ARHGEF26: variants seen among roughly 807,000 people sequenced by gnomAD.
ARHGEF26 encodes the protein Rho guanine nucleotide exchange factor 26, also known as Rho guanine nucleotide exchange factor (GEF) 26.
A neutral mutation model predicts 89.4 loss-of-function variants in ARHGEF26; 59 were observed. That is an observed-to-expected ratio of 0.66 (90% CI 0.54 to 0.82). The LOEUF is 0.82. Ranked by LOEUF, ARHGEF26 falls within the 40% of genes least tolerant of loss-of-function variation. The pLI is 0.00. For synonymous variants in ARHGEF26, 500 were observed against 428.4 expected, an observed-to-expected ratio of 1.17 and a Z score of -2.06; for missense variants, 1,234 against 1,085.6, an observed-to-expected ratio of 1.14 and a Z score of -1.92.
chr3:154,208,563 C>A (rs1715172604), intron 9 of ARHGEF26, among the ~76,000 whole-genome samples: 1 of 151,940 alleles, frequency 6.6e-6, no homozygotes. Context: ...TTCTTTAAGC[C>A]CAATAACTCT....
chr3:154,191,157 T>C (rs1713930452), intron 7 of ARHGEF26, 132 bp from the exon 8 acceptor site: 4 of 973,266 alleles, frequency 4.1e-6, no homozygotes, highest in African/African-American at 1.6e-5. Context: ...TATGTGCTTA[T>C]GATATTTTCA....
chr3:154,218,376 C>G (rs146287309), intron 10 of ARHGEF26, among the ~76,000 whole-genome samples: 133 of 152,272 alleles, frequency 8.7e-4, no homozygotes, highest in African/African-American at 2.8e-3. Flanking sequence ...GTTTACAAAA[C>G]AGATCGTTAA....
intron 6 of ARHGEF26, among the ~76,000 whole-genome samples, chr3:154,181,049 T>G (rs1713152338): frequency 6.6e-6 from 1 of 152,146 alleles, no homozygotes; most frequent in Admixed American, 6.5e-5. Flanking sequence ...TTAGTGGCGG[T>G]GCGCTTGCCA....
At chr3:154,250,310 A>G (rs1718055489) in intron 12 of ARHGEF26, among the ~76,000 whole-genome samples, 1 of 151,996 alleles carries the variant, frequency 6.6e-6, no homozygotes, top group Admixed American at 6.6e-5. Context: ...TACAAGTGTG[A>G]GCCGCCCCGC....
At chr3:154,202,838 A>G (rs1232053761) in intron 9 of ARHGEF26, among the ~76,000 whole-genome samples, 3 of 150,970 alleles carry the variant, frequency 2.0e-5, no homozygotes, top group African/African-American at 7.3e-5. Context: ...TGATTTTTGC[A>G]CATTGATTTT....
chr3:154,221,744 A>T (rs1716143345), intron 10 of ARHGEF26, among the ~76,000 whole-genome samples: 1 of 152,248 alleles, frequency 6.6e-6, no homozygotes, highest in Non-Finnish European at 1.5e-5. Flanking sequence ...GCTTTTGCAG[A>T]TGAAATATTT....
At chr3:154,161,207 C>G (rs1212434932) in intron 6 of ARHGEF26, among the ~76,000 whole-genome samples, 1 of 151,264 alleles carries the variant, frequency 6.6e-6, no homozygotes, top group East Asian at 1.9e-4. Flanking sequence ...AACATTTTAT[C>G]ATCTTTGTTA....
At chr3:154,232,626 TA>T (rs576194226) in intron 11 of ARHGEF26, among the ~76,000 whole-genome samples, 5 of 151,868 alleles carry the variant, frequency 3.3e-5, no homozygotes, top group African/African-American at 7.2e-5. Context: ...GTTAAGAAAA[TA>T]AAAAAAATAG....
chr3:154,195,019 G>T (rs1576762848), intron 9 of ARHGEF26, among the ~76,000 whole-genome samples: 1 of 152,206 alleles, frequency 6.6e-6, no homozygotes, highest in Non-Finnish European at 1.5e-5. Context: ...ACTGTGCCAA[G>T]AATGATGCCA....
chr3:154,146,868 T>A (rs1719733247), intron 4 of ARHGEF26, among the ~76,000 whole-genome samples: 1 of 152,238 alleles, frequency 6.6e-6, no homozygotes, highest in Admixed American at 6.5e-5. Flanking sequence ...TTGAACAGTT[T>A]GTGAATTGGC....
At chr3:154,225,605 C>G (rs1380457527) in intron 10 of ARHGEF26, among the ~76,000 whole-genome samples, 1 of 151,922 alleles carries the variant, frequency 6.6e-6, no homozygotes, top group East Asian at 1.9e-4. Flanking sequence ...ATAACATTTT[C>G]TCATTGAGTT....
At chr3:154,220,276 C>T (rs1049854709) in intron 10 of ARHGEF26, among the ~76,000 whole-genome samples, 4 of 152,118 alleles carry the variant, frequency 2.6e-5, no homozygotes, top group South Asian at 2.1e-4. Flanking sequence ...TAGATAAAAA[C>T]GTGATCATCC....
chr3:154,125,665 A>AT (rs1206631864), intron 3 of ARHGEF26, among the ~76,000 whole-genome samples: 3 of 151,932 alleles, frequency 2.0e-5, no homozygotes, highest in Non-Finnish European at 4.4e-5. Context: ...AAATTTTTAG[A>AT]TTTTTTTTGA....
At chr3:154,227,149 G>A (rs1349761414) in intron 11 of ARHGEF26, among the ~76,000 whole-genome samples, 1 of 152,122 alleles carries the variant, frequency 6.6e-6, no homozygotes, top group South Asian at 2.1e-4. Flanking sequence ...TCTTCCCTGA[G>A]AAGCCATAAT....
intron 6 of ARHGEF26, among the ~76,000 whole-genome samples, chr3:154,186,161 A>ACACACACACACC (rs1032505745): frequency 2.0e-5 from 3 of 150,798 alleles, no homozygotes; most frequent in Non-Finnish European, 4.4e-5. Context: ...ACACACACAC[A>ACACACACACACC]CACACCCCTA....
At chr3:154,224,044 C>T (rs553764222) in intron 10 of ARHGEF26, among the ~76,000 whole-genome samples, 1 of 152,046 alleles carries the variant, frequency 6.6e-6, no homozygotes, top group East Asian at 1.9e-4. Context: ...GATAGTATTT[C>T]AGTACTATTT....
At chr3:154,246,786 A>G (rs923518978) in intron 12 of ARHGEF26, among the ~76,000 whole-genome samples, 1 of 152,198 alleles carries the variant, frequency 6.6e-6, no homozygotes, top group Non-Finnish European at 1.5e-5. Flanking sequence ...TTGGAGACAA[A>G]AACAACAGGA....
intron 12 of ARHGEF26, among the ~76,000 whole-genome samples, chr3:154,251,147 AAACACCTGCTGCGT>A (rs1445915047): frequency 1.3e-5 from 2 of 152,158 alleles, no homozygotes; most frequent in African/African-American, 4.8e-5. Context: ...ATTATTTTGT[AAACACCTGCTGCGT>A]AACACCACCT....
Position 154,256,068 on chromosome 3 carries a change from C to T in ARHGEF26, c.*595C>T. ...CACTTGAATTTTTGTCACCTTTTTC[C>T]TCATTAGAAGGAAAGTAGAAAGCCT... On this transcript the variant is annotated 3_prime_UTR_variant, in exon 15 of 15. Coordinates refer to ENST00000465093, the MANE Select transcript of ARHGEF26 (RefSeq NM_015595.4). 1 of 985,382 alleles carries T rather than the reference C, an allele frequency of 1.0e-6. No homozygotes were observed. The highest frequency in any genetic ancestry group is 1.2e-6 in the Non-Finnish European group (1 of 829,754). The allele number at this position is 985,382 out of a possible 1,614,324, so 61.0% of individuals were successfully genotyped here.
Sources: gnomAD v4.1 joint callset for allele counts (sites outside exome capture counted in the v4.1 genomes callset) on GRCh38, gnomAD v4.1.1 for gene constraint, MANE v1.5 for transcripts, NCBI Gene and HGNC (gene_info 2026-07-23, HGNC 2026-07-21) for gene names.